Variants in ARL5A observed in about 807,000 individuals in gnomAD.
ARL5A encodes the protein ARF like GTPase 5A, also known as ADP-ribosylation factor-like protein 5A.
A neutral mutation model predicts 25.9 loss-of-function variants in ARL5A; 18 were observed. That is an observed-to-expected ratio of 0.69 (90% CI 0.48 to 1.03). The LOEUF is 1.03. Among genes scored for constraint, ARL5A ranks in the 50% least tolerant of loss-of-function variants. ARL5A has a pLI of 0.00. For synonymous variants in ARL5A, 61 were observed against 67.5 expected (o/e 0.90, Z 0.47); for missense variants, 170 against 211.9 (o/e 0.80, Z 1.23).
At chr2:151,812,682 T>C (rs1012921891) in intron 3 of ARL5A, among the ~76,000 whole-genome samples, 3 of 152,168 alleles carry the variant, frequency 2.0e-5, no homozygotes, top group African/African-American at 7.2e-5. Context: ...ATATAACGCA[T>C]GTCTGTTTTC....
intron 1 of ARL5A, among the ~76,000 whole-genome samples, chr2:151,826,379 G>C (rs1400261471): frequency 6.6e-6 from 1 of 152,112 alleles, no homozygotes; most frequent in Non-Finnish European, 1.5e-5. Flanking sequence ...ACTACTATTA[G>C]CAATTTGTAG....
At chr2:151,816,765 C>T (rs886559930) in intron 1 of ARL5A, among the ~76,000 whole-genome samples, 4 of 152,142 alleles carry the variant, frequency 2.6e-5, no homozygotes, top group Non-Finnish European at 5.9e-5. Context: ...TTTTCCAAGG[C>T]TAGTGATATC....
chr2:151,805,916 T>C (rs1355514087), intron 5 of ARL5A, among the ~76,000 whole-genome samples: 1 of 152,166 alleles, frequency 6.6e-6, no homozygotes, highest in Non-Finnish European at 1.5e-5. Context: ...TTTAGCTTTT[T>C]ATCCTATTTC....
At chr2:151,807,191 G>A (rs2099830205) in intron 4 of ARL5A, among the ~76,000 whole-genome samples, 2 of 152,090 alleles carry the variant, frequency 1.3e-5, no homozygotes, top group African/African-American at 4.8e-5. Flanking sequence ...CCTAAGTGCT[G>A]TATTTAACAG....
At chr2:151,815,276 TG>T in intron 1 of ARL5A, 77 bp from the exon 2 acceptor site, 1 of 1,159,502 alleles carries the variant, frequency 8.6e-7, no homozygotes, top group Non-Finnish European at 1.3e-6. Context: ...AAATATACTC[TG>T]TATCTCACCC....
intron 1 of ARL5A, 100 bp from the exon 2 acceptor site, chr2:151,815,299 G>C (rs1381557660): frequency 1.1e-6 from 1 of 928,428 alleles, no homozygotes; most frequent in East Asian, 2.6e-5. Context: ...TCTATCTATG[G>C]CATAATTCAG....
At chr2:151,806,112 C>T (rs912710663) in intron 5 of ARL5A, among the ~76,000 whole-genome samples, 2 of 152,156 alleles carry the variant, frequency 1.3e-5, no homozygotes, top group African/African-American at 4.8e-5. Flanking sequence ...TGAATGGCAT[C>T]CTCTCCATCT....
chr2:151,801,202 T>TA lies in ARL5A; in HGVS notation c.*2073dup, dbSNP rs2099829372. ...ACATCTTCTCATGATGTCATGTCAATAATCCACTACACTAAACCAACTGTA... is the reference window on the plus strand; with the variant it reads ...ACATCTTCTCATGATGTCATGTCAATAAATCCACTACACTAAACCAACTGTA... On this transcript the variant is annotated 3_prime_UTR_variant, in exon 6 of 6. Coordinates refer to ENST00000295087, the MANE Select transcript of ARL5A (RefSeq NM_012097.4). 6.6e-6 allele frequency: 1 copy of TA among 152,598 alleles called. No homozygotes were observed. Among genetic ancestry groups the TA allele is most frequent in the Non-Finnish European group, 1.5e-5 (1 of 68,004 alleles). 9.5% of individuals were successfully genotyped at this position (152,598 alleles called of 1,614,324 possible).
Position 151,803,144 on chromosome 2 carries a change from T to C in ARL5A, c.*132A>G. ...CATCTTTGTTTTCAAATAAGTGGTC[T>C]TAATTTTTCTTCTTATAGAAAAAGT... On this transcript the variant is annotated 3_prime_UTR_variant, in exon 6 of 6. Transcript: ENST00000295087. The C allele has an allele frequency of 1.7e-6, 1 of 592,628 alleles. No individual in the cohort carries two copies. The highest frequency in any genetic ancestry group is 2.9e-6 in the Non-Finnish European group (1 of 346,586). 36.7% of individuals were successfully genotyped at this position (592,628 alleles called of 1,614,324 possible).
intron 4 of ARL5A, among the ~76,000 whole-genome samples, chr2:151,807,281 A>G (rs1379617645): frequency 1.3e-5 from 2 of 152,156 alleles, no homozygotes; most frequent in African/African-American, 4.8e-5. Context: ...CTTTTAGCCT[A>G]ATACTTGAGA....
At chr2:151,809,274 T>C (rs1489703452) in intron 4 of ARL5A, among the ~76,000 whole-genome samples, 1 of 152,194 alleles carries the variant, frequency 6.6e-6, no homozygotes, top group Non-Finnish European at 1.5e-5. Context: ...GTTTATATTA[T>C]TATAAGTAAT....
At position 151,828,186 on chromosome 2, in the gene ARL5A, G is replaced by A. The variant is rs1273705159; in HGVS notation, c.-10C>T. On this transcript the variant is annotated 5_prime_UTR_variant, in exon 1 of 6. Coordinates refer to ENST00000295087, the MANE Select transcript of ARL5A (RefSeq NM_012097.4). ...TGAAGAGAATTCCCATTCTCGGGCA[G>A]CGGACCCCCCCCCTCCAGACACCCG... The A allele has an allele frequency of 5.3e-6, 8 of 1,497,266 alleles. No individual in the cohort carries two copies. The highest frequency in any genetic ancestry group is 3.5e-4 in the Middle Eastern group (2 of 5,786). The allele number at this position is 1,497,266 out of a possible 1,614,324, so 92.7% of individuals were successfully genotyped here. A position where few individuals can be genotyped will look rare whatever the true frequency, so the allele number is the denominator to read the frequency against.
chr2:151,812,310 T>A, intron 4 of ARL5A, 47 bp downstream of exon 4: 2 of 1,326,592 alleles, frequency 1.5e-6, no homozygotes, highest in South Asian at 1.3e-5. Context: ...AAAGTATCGA[T>A]TCCCATACCC....
Position 151,798,860 on chromosome 2 carries a change from C to T in ARL5A, c.*4416G>A, listed in dbSNP as rs2099829034. 1 of 151,980 alleles carries T rather than the reference C, an allele frequency of 6.6e-6. No individual in the cohort carries two copies. Among genetic ancestry groups the T allele is most frequent in the Admixed American group, 6.6e-5 (1 of 15,238 alleles). 9.4% of individuals were successfully genotyped at this position (151,980 alleles called of 1,614,324 possible). A position where few individuals can be genotyped will look rare whatever the true frequency, so the allele number is the denominator to read the frequency against. The stretch of plus-strand genomic sequence containing the variant: ...AAATCAACACAAATCCATTTTTAGG[C>T]ACTTCTTGAGTACAGACTATGGGAA... On this transcript the variant is annotated 3_prime_UTR_variant, in exon 6 of 6. Coordinates refer to ENST00000295087, the MANE Select transcript of ARL5A (RefSeq NM_012097.4).
rs888155643 is a variant in ARL5A at position 151,801,176 on chromosome 2, C to T, written c.*2100G>A. ...GTTTTATAAATGTGGTATAAAATTA[C>T]ACATCTTCTCATGATGTCATGTCAA... On this transcript the variant is annotated 3_prime_UTR_variant, in exon 6 of 6. Transcript: ENST00000295087. 2 of 152,544 alleles carry T rather than the reference C, an allele frequency of 1.3e-5. No homozygotes were observed. Among genetic ancestry groups the T allele is most frequent in the African/African-American group, 4.8e-5 (2 of 41,428 alleles). The allele number at this position is 152,544 out of a possible 1,614,324, so 9.4% of individuals were successfully genotyped here.
At chr2:151,811,408 A>T (rs554415419) in intron 4 of ARL5A, among the ~76,000 whole-genome samples, 1 of 152,154 alleles carries the variant, frequency 6.6e-6, no homozygotes, top group Admixed American at 6.5e-5. Context: ...AGCATCTGCA[A>T]TAAGATATCC....
intron 2 of ARL5A, 76 bp from the exon 3 acceptor site, chr2:151,814,392 A>G: frequency 3.5e-6 from 4 of 1,133,640 alleles, no homozygotes; most frequent in Non-Finnish European, 4.9e-6. Context: ...ATCAAGGACA[A>G]ATCAGCATGA....
At chr2:151,808,817 G>C (rs890705123) in intron 4 of ARL5A, among the ~76,000 whole-genome samples, 1 of 152,210 alleles carries the variant, frequency 6.6e-6, no homozygotes, top group Non-Finnish European at 1.5e-5. Context: ...GAAGGCCGAG[G>C]TGGGTGGATC....
At chr2:151,811,979 CTGAG>C (rs1426772459) in intron 4 of ARL5A, among the ~76,000 whole-genome samples, 1 of 152,148 alleles carries the variant, frequency 6.6e-6, no homozygotes, top group Non-Finnish European at 1.5e-5. Context: ...TATTAGTCTG[CTGAG>C]TAACAATCAA....
Sources: gnomAD v4.1 joint callset for allele counts (sites outside exome capture counted in the v4.1 genomes callset) on GRCh38, gnomAD v4.1.1 for gene constraint, MANE v1.5 for transcripts, NCBI Gene and HGNC (gene_info 2026-07-23, HGNC 2026-07-21) for gene names.